Variants in EPHB1 observed in about 807,000 individuals in gnomAD.
EPHB1 encodes the protein ephrin type-B receptor 1.
A neutral mutation model predicts 94.4 loss-of-function variants in EPHB1; 30 were observed. That is an observed-to-expected ratio of 0.32 (90% CI 0.24 to 0.43). The LOEUF (loss-of-function observed/expected upper bound fraction) is 0.43. Ranked by LOEUF, EPHB1 falls within the 20% of genes least tolerant of loss-of-function variation. EPHB1 has a pLI of 1.00. For missense variants in EPHB1, 1,055 were observed against 1,308.3 expected, an observed-to-expected ratio of 0.81 and a Z score of 2.99; for synonymous variants, 522 against 489.1, an observed-to-expected ratio of 1.07 and a Z score of -0.89.
rs1174011769 is a variant in EPHB1, at chr3:134,955,105, A to ATTTTTTTTTTTTTTTTTTTTTTTT, written c.805+3066_805+3067insTTTTTTTTTTTTTTTTTTTTTTTT. 9.5e-4 allele frequency among the ~76,000 whole-genome samples: 23 copies of ATTTTTTTTTTTTTTTTTTTTTTTT among 24,134 alleles called. 1 individual carries two copies. Among genetic ancestry groups the ATTTTTTTTTTTTTTTTTTTTTTTT allele is most frequent in the East Asian group, 3.3e-3 (4 of 1,226 alleles). 15.8% of individuals were successfully genotyped at this position (24,134 alleles called of 152,430 possible). ...TTTTTTTTTTTTTTTTTTTTTTTTAATTTTTTTTTTTTTAATTATACTCTA... is the reference window on the plus strand; with the variant it reads ...TTTTTTTTTTTTTTTTTTTTTTTTAATTTTTTTTTTTTTTTTTTTTTTTTTTTTTTTTTTTTTAATTATACTCTA... On this transcript the variant is annotated intron_variant, in intron 3 of 15. Transcript: ENST00000398015.
chr3:135,034,031 T>G (rs1420255191), intron 3 of EPHB1, among the ~76,000 whole-genome samples: 4 of 152,174 alleles, frequency 2.6e-5, no homozygotes. Flanking sequence ...ATTCAGAATT[T>G]CATTTCTCTG....
chr3:135,164,702 G>A (rs766094601), intron 7 of EPHB1, among the ~76,000 whole-genome samples: 1 of 151,538 alleles, frequency 6.6e-6, no homozygotes, highest in Non-Finnish European at 1.5e-5. Flanking sequence ...CCAGCTACTC[G>A]GGAGGCTGAG....
intron 5 of EPHB1, among the ~76,000 whole-genome samples, chr3:135,153,339 A>G (rs1003797105): frequency 1.8e-4 from 28 of 152,182 alleles, no homozygotes; most frequent in African/African-American, 6.8e-4. Flanking sequence ...CTAGAAAGAC[A>G]GCCCTCATTT....
intron 10 of EPHB1, among the ~76,000 whole-genome samples, chr3:135,185,749 C>T (rs1942309693): frequency 6.6e-6 from 1 of 152,220 alleles, no homozygotes; most frequent in African/African-American, 2.4e-5. Context: ...CCAGCTGCCA[C>T]TCTTGTTGCT....
At chr3:134,876,831 A>G (rs537356860) in intron 1 of EPHB1, among the ~76,000 whole-genome samples, 2 of 149,984 alleles carry the variant, frequency 1.3e-5, no homozygotes, top group Admixed American at 6.6e-5. Context: ...CTGTCAATCC[A>G]GGGCTGGCAA....
intron 1 of EPHB1, among the ~76,000 whole-genome samples, chr3:134,909,320 G>A (rs775944709): frequency 6.6e-6 from 1 of 152,198 alleles, no homozygotes; most frequent in Non-Finnish European, 1.5e-5. Flanking sequence ...GTTGGAACCA[G>A]CTAACAAGAA....
At chr3:134,872,230 C>A (rs1283510462) in intron 1 of EPHB1, among the ~76,000 whole-genome samples, 1 of 152,198 alleles carries the variant, frequency 6.6e-6, no homozygotes, top group Non-Finnish European at 1.5e-5. Context: ...CAGGAGGAAG[C>A]TGATACTGTG....
At chr3:135,193,275 C>G (rs567591977) in intron 11 of EPHB1, among the ~76,000 whole-genome samples, 74 of 152,294 alleles carry the variant, frequency 4.9e-4, no homozygotes, top group African/African-American at 1.7e-3. Flanking sequence ...GGCCACCTGC[C>G]CTCTGAGGAG....
chr3:135,067,357 G>A (rs546756313), intron 3 of EPHB1, among the ~76,000 whole-genome samples: 19 of 152,234 alleles, frequency 1.2e-4, no homozygotes, highest in Admixed American at 2.0e-4. Context: ...CTCCTTGGGC[G>A]TGTCTTGCTG....
chr3:135,128,577 C>T (rs1010539264), intron 4 of EPHB1, among the ~76,000 whole-genome samples: 1 of 152,316 alleles, frequency 6.6e-6, no homozygotes, highest in East Asian at 1.9e-4. Flanking sequence ...GAATAAGAGA[C>T]AGACAGAACC....
intron 3 of EPHB1, 44 bp downstream of exon 3, chr3:134,952,096 C>G: frequency 1.3e-6 from 2 of 1,538,154 alleles, no homozygotes; most frequent in South Asian, 2.5e-5. Flanking sequence ...ATGGCAGGGC[C>G]AGATCTGCAA....
At chr3:135,035,393 T>G (rs1326772495) in intron 3 of EPHB1, among the ~76,000 whole-genome samples, 2 of 152,190 alleles carry the variant, frequency 1.3e-5, no homozygotes, top group Non-Finnish European at 2.9e-5. Context: ...AGGGAGAAGG[T>G]AGACTTGCTT....
intron 3 of EPHB1, among the ~76,000 whole-genome samples, chr3:135,051,802 G>A (rs942672095): frequency 6.6e-6 from 1 of 152,172 alleles, no homozygotes; most frequent in Admixed American, 6.5e-5. Context: ...CAGACTGGAG[G>A]CATTACCTCA....
chr3:135,230,910 T>C (rs550504808), intron 12 of EPHB1, among the ~76,000 whole-genome samples: 1 of 152,398 alleles, frequency 6.6e-6, no homozygotes, highest in East Asian at 1.9e-4. Context: ...CTTTCTTTTC[T>C]ATGGCTGCAT....
chr3:135,217,073 C>G (rs746474524), intron 12 of EPHB1, among the ~76,000 whole-genome samples: 27 of 152,118 alleles, frequency 1.8e-4, no homozygotes, highest in Non-Finnish European at 3.4e-4. Context: ...AAGAGGATGC[C>G]AAAACCTTAG....
At chr3:135,021,379 T>G (rs1935982981) in intron 3 of EPHB1, among the ~76,000 whole-genome samples, 1 of 152,108 alleles carries the variant, frequency 6.6e-6, no homozygotes, top group South Asian at 2.1e-4. Context: ...TGTTTTTAAT[T>G]TTTTCTATTT....
At chr3:134,795,865 A>C (rs1434542780) in intron 1 of EPHB1, among the ~76,000 whole-genome samples, 176 bp downstream of exon 1, 1 of 152,154 alleles carries the variant, frequency 6.6e-6, no homozygotes, top group Non-Finnish European at 1.5e-5. Flanking sequence ...GGCGGCACCC[A>C]CCAGAGCGCC....
intron 7 of EPHB1, among the ~76,000 whole-genome samples, chr3:135,164,325 CAACATGGTT>C (rs1036999037): frequency 6.6e-6 from 1 of 152,150 alleles, no homozygotes; most frequent in Non-Finnish European, 1.5e-5. Flanking sequence ...CTTTCTCCTC[CAACATGGTT>C]GAAGGACAGT....
intron 1 of EPHB1, among the ~76,000 whole-genome samples, chr3:134,903,172 C>T (rs541431720): frequency 9.3e-4 from 141 of 152,294 alleles, no homozygotes; most frequent in Non-Finnish European, 1.4e-3. Flanking sequence ...AATAAAAGTG[C>T]GGGCACTCCA....
Sources: gnomAD v4.1 joint callset for allele counts (sites outside exome capture counted in the v4.1 genomes callset) on GRCh38, gnomAD v4.1.1 for gene constraint, MANE v1.5 for transcripts, NCBI Gene and HGNC (gene_info 2026-07-23, HGNC 2026-07-21) for gene names.